The following AP3D1 variants were observed in gnomAD, a reference collection of about 807,000 sequenced individuals.
The protein encoded by AP3D1 is adaptor related protein complex 3 subunit delta 1.
AP3D1 carries 51 observed loss-of-function variants against 147.6 expected under a neutral mutation model. The observed-to-expected ratio is 0.35, with a 90% CI of 0.28 to 0.44. The LOEUF (loss-of-function observed/expected upper bound fraction) is 0.44, where lower values mean the gene tolerates loss of function less well. AP3D1 is among the 20% of genes least tolerant of loss of function. The pLI, the probability that AP3D1 is intolerant of heterozygous loss-of-function variation, is 1.00. For synonymous variants in AP3D1, 760 were observed against 663.0 expected (o/e 1.15, Z -2.25); for missense variants, 1,421 against 1,624.2 (o/e 0.87, Z 2.15).
chr19:2,122,349 G>C (rs76989138), intron 11 of AP3D1, among the ~76,000 whole-genome samples: 6 of 152,222 alleles, frequency 3.9e-5, no homozygotes, highest in Admixed American at 2.6e-4. Flanking sequence ...ACCTAAGCCA[G>C]GGCCACCCCA....
intron 12 of AP3D1, 76 bp downstream of exon 12, chr19:2,121,658 T>G: frequency 6.6e-7 from 1 of 1,505,896 alleles, no homozygotes; most frequent in Non-Finnish European, 8.8e-7. Flanking sequence ...GCATTCCACG[T>G]GGCTCTGCAC....
intron 11 of AP3D1, among the ~76,000 whole-genome samples, chr19:2,122,394 T>C (rs1455899771): frequency 1.3e-5 from 2 of 152,158 alleles, no homozygotes; most frequent in Admixed American, 6.5e-5. Flanking sequence ...ATTCACATAC[T>C]GCCATCCACG....
At chr19:2,123,778 T>C in intron 10 of AP3D1, 52 bp downstream of exon 10, 2 of 1,545,276 alleles carry the variant, frequency 1.3e-6, no homozygotes, top group Non-Finnish European at 1.7e-6. Flanking sequence ...TGTGGAAAGG[T>C]GTGGCCTCTG....
intron 1 of AP3D1, among the ~76,000 whole-genome samples, chr19:2,141,145 C>G (rs991298433): frequency 6.6e-6 from 1 of 152,110 alleles, no homozygotes; most frequent in Admixed American, 6.6e-5. Flanking sequence ...TGTAAATTAG[C>G]TGAAGCTATA....
In AP3D1 at chr19:2,151,199, T is replaced by C. The variant is rs749642428; in HGVS notation, c.96+40A>G. ...GCAGGGCTGGGCCCTGGGCCGGGGC[T>C]GTGACCAGGCCGAGCAGCCCCTTGG... On this transcript the variant is annotated intron_variant, in intron 1 of 31. Transcript: ENST00000643116. 3 of 1,582,594 alleles carry C rather than the reference T, an allele frequency of 1.9e-6. No individual in the cohort carries two copies. In the East Asian group the frequency reaches 6.9e-5, roughly 36 times the overall value.
In AP3D1 at chr19:2,116,594, C is replaced by G; in HGVS notation, c.2001+11G>C. The G allele has an allele frequency of 6.3e-7, 1 of 1,579,826 alleles. No individual in the cohort carries two copies. Among genetic ancestry groups the G allele is most frequent in the East Asian group, 2.3e-5 (1 of 44,014 alleles). The stretch of plus-strand genomic sequence containing the variant: ...GAGACGAGGGCTCGCCAGGGGCAGC[C>G]AGCAGCTCACCCGAGCCAGCTCTTC... On this transcript the variant is annotated intron_variant, in intron 17 of 31. Coordinates refer to ENST00000643116, the MANE Select transcript of AP3D1 (RefSeq NM_001261826.3).
chr19:2,134,583 TAA>T (rs139495752), intron 4 of AP3D1, among the ~76,000 whole-genome samples: 37 of 136,564 alleles, frequency 2.7e-4, no homozygotes, highest in Middle Eastern at 7.3e-3. Context: ...AAAAATACCC[TAA>T]AAAAAAAAAA....
intron 21 of AP3D1, 61 bp downstream of exon 21, chr19:2,114,687 G>T: frequency 8.2e-7 from 1 of 1,221,054 alleles, no homozygotes; most frequent in Non-Finnish European, 1.1e-6. Context: ...AAGGGAGGAC[G>T]AGAGGAAGGG....
upstream of AP3D1, among the ~76,000 whole-genome samples, chr19:2,155,369 A>AT (rs199860882): frequency 0.013 from 1,958 of 150,374 alleles, 23 homozygotes; most frequent in Middle Eastern, 0.038. Context: ...TCAAAAAAAA[A>AT]ACCAAAAAAA....
intron 2 of AP3D1, among the ~76,000 whole-genome samples, 167 bp downstream of exon 2, chr19:2,138,452 C>T (rs1243231520): frequency 6.6e-6 from 1 of 152,214 alleles, no homozygotes; most frequent in Non-Finnish European, 1.5e-5. Flanking sequence ...GCCATGTGAC[C>T]AACATGGCTT....
chr19:2,115,123 A>G, intron 20 of AP3D1, 96 bp downstream of exon 20: 1 of 1,325,426 alleles, frequency 7.5e-7, no homozygotes, highest in Non-Finnish European at 1.0e-6. Context: ...CCAGCCACCA[A>G]CGAAGACCAT....
At chr19:2,146,028 C>T (rs539886038) in intron 1 of AP3D1, among the ~76,000 whole-genome samples, 2 of 152,010 alleles carry the variant, frequency 1.3e-5, no homozygotes, top group South Asian at 4.2e-4. Flanking sequence ...CTGTGGGGAG[C>T]GGGCGCTTTC....
Position 2,118,800 on chromosome 19 carries a change from G to C in AP3D1, c.1514C>G (p.Ala505Gly). 1 of 1,613,690 alleles carries C rather than the reference G, an allele frequency of 6.2e-7. No individual in the cohort carries two copies. Among genetic ancestry groups the C allele is most frequent in the Non-Finnish European group, 8.5e-7 (1 of 1,179,998 alleles). The change falls in exon 15 of 32, where the codon GCC becomes GGC. Residue 505 changes from alanine (A) to glycine (G), a missense_variant. This residue lies in a region of AP3D1 where 310 missense variants were observed against 388.1 expected (regional missense o/e 0.80). Transcript: ENST00000643116. ...CGTGGTGACTCTGGGCCGCAGCATGGCCTCCAAAGTGTGGTGTGGTTCCTG... is the reference window on the plus strand; with the variant it reads ...CGTGGTGACTCTGGGCCGCAGCATGCCCTCCAAAGTGTGGTGTGGTTCCTG... ...HLQEPHHTLE[A>G]MLRPRVTTLP...
At chr19:2,162,029 T>C (rs1003376010) in intron 1 of AP3D1, among the ~76,000 whole-genome samples, 7 of 150,342 alleles carry the variant, frequency 4.7e-5, no homozygotes, top group African/African-American at 1.7e-4. Flanking sequence ...AAAAAGCCCA[T>C]TGAGTTTTTT....
intron 1 of AP3D1, among the ~76,000 whole-genome samples, chr19:2,143,483 G>A (rs1414438938): frequency 7.2e-5 from 11 of 151,832 alleles, no homozygotes; most frequent in Admixed American, 5.2e-4. Flanking sequence ...CTTGTGATCC[G>A]CCCACCTTGG....
intron 1 of AP3D1, among the ~76,000 whole-genome samples, chr19:2,140,850 C>A (rs2019201965): frequency 1.3e-5 from 2 of 151,270 alleles, no homozygotes; most frequent in Admixed American, 6.6e-5. Flanking sequence ...CCTTCACCTC[C>A]CAGGTTCAAG....
At chr19:2,131,483 C>G (rs1034563904) in intron 5 of AP3D1, among the ~76,000 whole-genome samples, 3 of 130,032 alleles carry the variant, frequency 2.3e-5, no homozygotes, top group African/African-American at 5.4e-5. Context: ...GATCTAGACA[C>G]CCGGTGGACA....
chr19:2,161,992 C>A (rs1030139086), intron 1 of AP3D1, among the ~76,000 whole-genome samples: 1 of 149,556 alleles, frequency 6.7e-6, no homozygotes, highest in Non-Finnish European at 1.5e-5. Flanking sequence ...GGTTACATAG[C>A]AGGACCGCAT....
chr19:2,162,601 G>T (rs1404119356), intron 1 of AP3D1, among the ~76,000 whole-genome samples: 1 of 151,570 alleles, frequency 6.6e-6, no homozygotes, highest in Non-Finnish European at 1.5e-5. Context: ...GGCAGAGGAT[G>T]CAGTGACCCG....
Sources: allele counts gnomAD v4.1 joint callset (sites outside exome capture counted in the v4.1 genomes callset), GRCh38; gene constraint gnomAD v4.1.1; regional missense constraint gnomAD v4.1.1; transcripts MANE v1.5; gene names NCBI Gene and HGNC (gene_info 2026-07-23, HGNC 2026-07-21).